DPYD: variants seen among roughly 807,000 people sequenced by gnomAD.
DPYD encodes the protein dihydropyrimidine dehydrogenase, also known as dihydropyrimidine dehydrogenase [NADP(+)].
A neutral mutation model predicts 116.2 loss-of-function variants in DPYD; 109 were observed. That is an observed-to-expected ratio of 0.94 (90% CI 0.80 to 1.10). The LOEUF (loss-of-function observed/expected upper bound fraction) is 1.10. Among genes scored for constraint, DPYD ranks in the 50% least tolerant of loss-of-function variants. The probability of loss-of-function intolerance (pLI) is 0.00; values close to 1 mark genes in which losing one functional copy is unlikely to be tolerated. For missense variants in DPYD, 1,302 were observed against 1,254.5 expected, an observed-to-expected ratio of 1.04 and a Z score of -0.57; for synonymous variants, 440 against 432.0, an observed-to-expected ratio of 1.02 and a Z score of -0.23.
At chr1:97,618,139 T>A (rs1656404224) in intron 8 of DPYD, among the ~76,000 whole-genome samples, 1 of 152,162 alleles carries the variant, frequency 6.6e-6, no homozygotes, top group East Asian at 1.9e-4. Flanking sequence ...TTTGTCAAAT[T>A]TCAATGATAA....
chr1:97,152,162 T>G (rs1655073017), intron 20 of DPYD, among the ~76,000 whole-genome samples: 1 of 152,178 alleles, frequency 6.6e-6, no homozygotes, highest in Non-Finnish European at 1.5e-5. Context: ...TGTAAAGCAT[T>G]TACTTCATAG....
chr1:97,569,027 T>A lies in DPYD; in HGVS notation c.1339+4733A>T, dbSNP rs1652719905. Among the ~76,000 whole-genome samples the A allele has an allele frequency of 5.3e-5, 8 of 152,078 alleles. No homozygotes were observed. The South Asian group carries it at 1.7e-3, about 31-fold the overall frequency. ...ATGGAGGAGGCACAGAATCACAGAA[T>A]GAGCTAAAGTACATTCATTCAGTTG... On this transcript the variant is annotated intron_variant, in intron 11 of 22. Coordinates refer to ENST00000370192, the MANE Select transcript of DPYD (RefSeq NM_000110.4).
In DPYD at chr1:97,202,373, C is replaced by T. The variant is rs913615592; in HGVS notation, c.2443-9125G>A. On this transcript the variant is annotated intron_variant, in intron 19 of 22. Transcript: ENST00000370192. ...GTATAAAAATTTCCCCCTTTTCCTCCAATTAGGAAGGAACTTTATGTAGCC... is the reference window on the plus strand; with the variant it reads ...GTATAAAAATTTCCCCCTTTTCCTCTAATTAGGAAGGAACTTTATGTAGCC... Among the ~76,000 whole-genome samples the T allele has an allele frequency of 2.6e-5, 4 of 152,126 alleles. No homozygotes were observed. In the South Asian group the frequency reaches 8.3e-4, roughly 32 times the overall value.
rs533342626 is a variant in DPYD, at chr1:97,367,282, T to A, written c.2058+6279A>T. Among the ~76,000 whole-genome samples the A allele has an allele frequency of 1.0e-3, 156 of 150,438 alleles. No homozygotes were observed. In the East Asian group the frequency reaches 0.021, roughly 21 times the overall value. ...CAGAAACAAAGCCTCTCTCTTTTTTTTAAAAAAAAAAACATACAGTTTTAT... is the reference window on the plus strand; with the variant it reads ...CAGAAACAAAGCCTCTCTCTTTTTTATAAAAAAAAAAACATACAGTTTTAT... On this transcript the variant is annotated intron_variant, in intron 16 of 22. Coordinates refer to ENST00000370192, the MANE Select transcript of DPYD (RefSeq NM_000110.4).
chr1:97,352,856 AT>A (rs1251805478), intron 16 of DPYD, among the ~76,000 whole-genome samples: 2 of 152,028 alleles, frequency 1.3e-5, no homozygotes, highest in East Asian at 3.9e-4. Context: ...CAAAAAGAGA[AT>A]TTGTTTTTCT....
chr1:97,196,743 T>G (rs1229593943), intron 19 of DPYD, among the ~76,000 whole-genome samples: 1 of 152,138 alleles, frequency 6.6e-6, no homozygotes, highest in Non-Finnish European at 1.5e-5. Flanking sequence ...GCCCCATGGT[T>G]AGAAAGTGGT....
chr1:97,234,706 G>T, intron 19 of DPYD, 146 bp downstream of exon 19: 3 of 962,894 alleles, frequency 3.1e-6, no homozygotes, highest in Non-Finnish European at 4.7e-6. Flanking sequence ...CTTGTCAGAG[G>T]AACTTAATAC....
At chr1:97,515,570 G>A (rs995339058) in intron 13 of DPYD, among the ~76,000 whole-genome samples, 156 bp downstream of exon 13, 4 of 150,768 alleles carry the variant, frequency 2.7e-5, no homozygotes, top group Middle Eastern at 3.4e-3. Flanking sequence ...GGGACAGAAA[G>A]GAAGGAAAGA....
At chr1:97,595,281 C>T (rs1426532225) in intron 8 of DPYD, 115 bp from the exon 9 acceptor site, 2 of 737,994 alleles carry the variant, frequency 2.7e-6, no homozygotes, top group African/African-American at 3.6e-5. Context: ...TAGAGGAAAA[C>T]ATCTGTAAGC....
intron 13 of DPYD, among the ~76,000 whole-genome samples, chr1:97,489,324 G>A (rs180853486): frequency 6.6e-6 from 1 of 152,284 alleles, no homozygotes; most frequent in East Asian, 1.9e-4. Flanking sequence ...CTAAAGAATG[G>A]ATGAATTTAG....
intron 13 of DPYD, among the ~76,000 whole-genome samples, chr1:97,458,767 C>A (rs1185683602): frequency 6.6e-6 from 1 of 152,098 alleles, no homozygotes; most frequent in Non-Finnish European, 1.5e-5. Flanking sequence ...CCTGTGTGAG[C>A]CCCAAAATTT....
chr1:97,098,496 G>A lies in DPYD; in HGVS notation c.2759C>T (p.Thr920Ile). Reference protein sequence around the residue: ...NCFIPKRPIPTIKDVIGKALQ... With the variant: ...NCFIPKRPIPIIKDVIGKALQ... ...AGTTGGCATAATTTTTACCTTGATGGTAGGAATAGGCCTTTTGGGGATAAA... is the reference window on the plus strand; with the variant it reads ...AGTTGGCATAATTTTTACCTTGATGATAGGAATAGGCCTTTTGGGGATAAA... The change falls in exon 21 of 23, where the codon ACC becomes ATC. Residue 920 changes from threonine to isoleucine, a missense_variant. Transcript: ENST00000370192. 6.2e-7 allele frequency: 1 copy of A among 1,612,660 alleles called. No individual in the cohort carries two copies. The highest frequency in any genetic ancestry group is 8.5e-7 in the Non-Finnish European group (1 of 1,179,182).
intron 19 of DPYD, among the ~76,000 whole-genome samples, chr1:97,208,608 C>A (rs971738256): frequency 6.6e-6 from 1 of 152,014 alleles, no homozygotes; most frequent in South Asian, 2.1e-4. Flanking sequence ...TCAAACTCAT[C>A]ATTTCTTCAA....
intron 14 of DPYD, among the ~76,000 whole-genome samples, chr1:97,442,987 A>ATATGTAATC (rs1327019872): frequency 6.6e-6 from 1 of 152,192 alleles, no homozygotes; most frequent in Non-Finnish European, 1.5e-5. Flanking sequence ...TCAAAATGTT[A>ATATGTAATC]TATGTAATCT....
intron 3 of DPYD, among the ~76,000 whole-genome samples, chr1:97,773,810 G>A (rs1666264174): frequency 6.6e-6 from 1 of 152,130 alleles, no homozygotes; most frequent in Non-Finnish European, 1.5e-5. Flanking sequence ...CCATCCATCT[G>A]CTGACAGTTA....
chr1:97,281,013 T>C (rs1170911813), intron 18 of DPYD, among the ~76,000 whole-genome samples: 1 of 152,136 alleles, frequency 6.6e-6, no homozygotes, highest in East Asian at 1.9e-4. Flanking sequence ...AATACAATTA[T>C]TGTTCGATTA....
intron 13 of DPYD, among the ~76,000 whole-genome samples, chr1:97,462,551 T>A (rs1301580602): frequency 6.6e-6 from 1 of 152,070 alleles, no homozygotes; most frequent in African/African-American, 2.4e-5. Context: ...TCTACCCTCC[T>A]CCTTTTGAAA....
chr1:97,668,072 G>A (rs1416794036), intron 8 of DPYD, among the ~76,000 whole-genome samples: 1 of 152,072 alleles, frequency 6.6e-6, no homozygotes, highest in Non-Finnish European at 1.5e-5. Flanking sequence ...AGAGTTCTGT[G>A]GATGAATAGT....
chr1:97,551,093 G>A (rs941794161), intron 11 of DPYD, among the ~76,000 whole-genome samples: 3 of 152,098 alleles, frequency 2.0e-5, no homozygotes, highest in Admixed American at 6.6e-5. Flanking sequence ...CACTCAATTG[G>A]ATTGATGGAT....
Sources: allele counts gnomAD v4.1 joint callset (sites outside exome capture counted in the v4.1 genomes callset), GRCh38; gene constraint gnomAD v4.1.1; transcripts MANE v1.5; gene names NCBI Gene and HGNC (gene_info 2026-07-23, HGNC 2026-07-21).